SGIP1: variants seen among roughly 807,000 people sequenced by gnomAD.
SGIP1 encodes SH3-containing GRB2-like protein 3-interacting protein 1.
A neutral mutation model predicts 107.5 loss-of-function variants in SGIP1; 38 were observed. The observed-to-expected ratio is 0.35, with a 90% CI of 0.27 to 0.46. SGIP1 has a LOEUF of 0.46. Ranked by LOEUF, SGIP1 falls within the 20% of genes least tolerant of loss-of-function variation. SGIP1 has a pLI of 1.00. For synonymous variants in SGIP1, 365 were observed against 366.1 expected (o/e 1.00, Z 0.03); for missense variants, 929 against 1,019.5 (o/e 0.91, Z 1.21).
intron 8 of SGIP1, chr1:66,666,379 G>A: frequency 5.6e-6 from 1 of 177,958 alleles, no homozygotes; most frequent in Non-Finnish European, 1.2e-5. Context: ...CTGTAGCCTT[G>A]TAGCATAGTT....
intron 10 of SGIP1, among the ~76,000 whole-genome samples, chr1:66,671,711 T>C (rs1173576385): frequency 2.0e-5 from 3 of 152,198 alleles, no homozygotes; most frequent in Non-Finnish European, 2.9e-5. Context: ...TGATGGCTTG[T>C]CACGGAAGTT....
At chr1:66,695,302 C>A (rs751782031) in intron 17 of SGIP1, 132 bp from the exon 18 acceptor site, 58 of 1,416,394 alleles carry the variant, frequency 4.1e-5, no homozygotes, top group Non-Finnish European at 4.9e-5. Flanking sequence ...CTTTTTCCTG[C>A]ACGCTAATGG....
chr1:66,740,527 G>A, intron 22 of SGIP1, 131 bp from the exon 23 acceptor site: 3 of 664,064 alleles, frequency 4.5e-6, no homozygotes, highest in Non-Finnish European at 8.0e-6. Context: ...GAGAGACAGG[G>A]AATTTTTAAA....
chr1:66,689,085 C>T, intron 15 of SGIP1, 63 bp from the exon 16 acceptor site: 1 of 1,500,526 alleles, frequency 6.7e-7, no homozygotes, highest in Non-Finnish European at 9.0e-7. Context: ...TGGCATTATA[C>T]TGTGATAACA....
chr1:66,597,796 G>A (rs111881676), intron 1 of SGIP1, among the ~76,000 whole-genome samples: 3 of 152,196 alleles, frequency 2.0e-5, no homozygotes, highest in African/African-American at 7.2e-5. Context: ...AGGATTTTAC[G>A]CATTAACGTT....
chr1:66,674,590 A>G (rs1049949963), intron 12 of SGIP1, among the ~76,000 whole-genome samples: 2 of 152,226 alleles, frequency 1.3e-5, no homozygotes, highest in Non-Finnish European at 2.9e-5. Context: ...CAATAAATTA[A>G]ACAAGATGGA....
chr1:66,611,316 A>G (rs2067951464), intron 1 of SGIP1, among the ~76,000 whole-genome samples: 1 of 152,198 alleles, frequency 6.6e-6, no homozygotes, highest in South Asian at 2.1e-4. Flanking sequence ...TAAGTAGCAA[A>G]TGGCAGAACC....
chr1:66,578,237 A>T (rs868153254), intron 1 of SGIP1, among the ~76,000 whole-genome samples: 113 of 136,288 alleles, frequency 8.3e-4, no homozygotes, highest in African/African-American at 3.3e-3. Flanking sequence ...GGAGATTCTG[A>T]GTCAGGATAT....
intron 17 of SGIP1, among the ~76,000 whole-genome samples, chr1:66,692,173 A>AG (rs1553158642): frequency 8.9e-4 from 135 of 151,076 alleles, no homozygotes; most frequent in African/African-American, 3.1e-3. Context: ...AAAAAAAAAA[A>AG]AGAGAGAGAG....
intron 18 of SGIP1, among the ~76,000 whole-genome samples, chr1:66,697,652 G>T (rs967544360): frequency 3.3e-5 from 5 of 152,168 alleles, no homozygotes; most frequent in African/African-American, 1.2e-4. Context: ...AGCAAAAACG[G>T]CTATATTTTT....
chr1:66,602,400 C>T (rs1168594935), intron 1 of SGIP1, among the ~76,000 whole-genome samples: 1 of 152,148 alleles, frequency 6.6e-6, no homozygotes, highest in African/African-American at 2.4e-5. Flanking sequence ...ATTTTAAAAG[C>T]TCCCTGCATG....
Position 66,535,356 on chromosome 1 carries a change from T to C in SGIP1, c.10+988T>C, listed in dbSNP as rs145545875. Among the ~76,000 whole-genome samples the C allele has an allele frequency of 4.8e-3, 725 of 152,256 alleles. 2 individuals carry two copies. Among genetic ancestry groups the C allele is most frequent in the Non-Finnish European group, 6.4e-3 (433 of 68,024 alleles). ...CTGGATTTCACAATGCAGAATTGAG[T>C]GCATAATGGGTCTCAAATCAGCCAT... On this transcript the variant is annotated intron_variant, in intron 1 of 24. Coordinates refer to ENST00000371037, the MANE Select transcript of SGIP1 (RefSeq NM_032291.4).
intron 24 of SGIP1, among the ~76,000 whole-genome samples, chr1:66,741,811 A>T (rs2094454183): frequency 6.6e-6 from 1 of 150,948 alleles, no homozygotes; most frequent in Non-Finnish European, 1.5e-5. Flanking sequence ...TCTATTGCCC[A>T]GGCTGGACTG....
intron 18 of SGIP1, among the ~76,000 whole-genome samples, chr1:66,717,575 C>T (rs565425941): frequency 6.6e-6 from 1 of 152,282 alleles, no homozygotes. Context: ...CACACTCCAA[C>T]TTCAGACTCA....
chr1:66,633,173 T>C (rs992295217), intron 3 of SGIP1, 79 bp downstream of exon 3: 23 of 972,288 alleles, frequency 2.4e-5, no homozygotes, highest in Non-Finnish European at 3.5e-5. Context: ...GCCCTTTTTT[T>C]TTCCTGTAGG....
At chr1:66,571,393 G>T (rs890025060) in intron 1 of SGIP1, among the ~76,000 whole-genome samples, 6 of 151,906 alleles carry the variant, frequency 3.9e-5, no homozygotes, top group African/African-American at 1.4e-4. Context: ...AAAGATATGA[G>T]ACATATGAAT....
intron 18 of SGIP1, among the ~76,000 whole-genome samples, chr1:66,697,620 A>G (rs1029446081): frequency 2.0e-5 from 3 of 151,664 alleles, no homozygotes; most frequent in Non-Finnish European, 4.4e-5. Flanking sequence ...AGAAGAAACT[A>G]AAAATGATGT....
intron 14 of SGIP1, among the ~76,000 whole-genome samples, chr1:66,680,238 T>G (rs1358055685): frequency 6.6e-6 from 1 of 152,228 alleles, no homozygotes; most frequent in Non-Finnish European, 1.5e-5. Context: ...CAAGTATTTA[T>G]TATCTCATGG....
At chr1:66,539,365 C>A (rs911504229) in intron 1 of SGIP1, among the ~76,000 whole-genome samples, 2 of 152,150 alleles carry the variant, frequency 1.3e-5, no homozygotes, top group African/African-American at 4.8e-5. Context: ...GCAAGCTTTC[C>A]ATGGGAGAGA....
Sources: gnomAD v4.1 joint callset for allele counts (sites outside exome capture counted in the v4.1 genomes callset) on GRCh38, gnomAD v4.1.1 for gene constraint, MANE v1.5 for transcripts, NCBI Gene and HGNC (gene_info 2026-07-23, HGNC 2026-07-21) for gene names.